Variants in TRHDE observed in about 807,000 individuals in gnomAD.
TRHDE encodes thyrotropin-releasing hormone-degrading ectoenzyme.
TRHDE carries 72 observed loss-of-function variants against 125.7 expected under a neutral mutation model. The ratio of observed to expected loss-of-function variants is 0.57; its 90% CI spans 0.47 to 0.70. The LOEUF is 0.70. TRHDE is among the 30% of genes least tolerant of loss of function. The pLI is 0.00. For missense variants in TRHDE, 1,110 were observed against 1,327.1 expected, an observed-to-expected ratio of 0.84 and a Z score of 2.54; for synonymous variants, 509 against 509.1, an observed-to-expected ratio of 1.00 and a Z score of 0.00.
intron 2 of TRHDE, among the ~76,000 whole-genome samples, chr12:72,209,300 T>A (rs1168033832): frequency 6.6e-6 from 1 of 152,234 alleles, no homozygotes; most frequent in Non-Finnish European, 1.5e-5. Context: ...TCTGACCATA[T>A]GCACTCCCGT....
Position 72,273,879 on chromosome 12 carries a change from T to C in TRHDE, c.914+322T>C. On this transcript the variant is annotated intron_variant, in intron 1 of 18. Coordinates refer to ENST00000261180, the MANE Select transcript of TRHDE (RefSeq NM_013381.3). This position sits in a 1 kb window ranked among gnomAD's most constrained non-coding sequence, Gnocchi z 5.3. Reference sequence around the variant, plus strand: ...GGCTCTTTTTCTGAAGGGTAGCTGATAATCTGAGCGATGCCAGAGTGACAT... The same window carrying C: ...GGCTCTTTTTCTGAAGGGTAGCTGACAATCTGAGCGATGCCAGAGTGACAT... 1 of 307,770 alleles carries C rather than the reference T, an allele frequency of 3.2e-6. No homozygotes were observed. The highest frequency in any genetic ancestry group is 6.0e-6 in the Non-Finnish European group (1 of 165,348). The allele number at this position is 307,770 out of a possible 1,614,324, so 19.1% of individuals were successfully genotyped here. A position where few individuals can be genotyped will look rare whatever the true frequency, so the allele number is the denominator to read the frequency against.
At chr12:72,309,175 G>T (rs1209281440) in intron 2 of TRHDE, among the ~76,000 whole-genome samples, 1 of 152,072 alleles carries the variant, frequency 6.6e-6, no homozygotes, top group African/African-American at 2.4e-5. Context: ...CACTGAGTTT[G>T]AGTTGGTGAG....
At chr12:72,445,166 ATTT>A (rs919106639) in intron 3 of TRHDE, among the ~76,000 whole-genome samples, 1 of 149,586 alleles carries the variant, frequency 6.7e-6, no homozygotes, top group Non-Finnish European at 1.5e-5. Context: ...CTCAGTTGGG[ATTT>A]TTTTTTTCAA....
chr12:72,560,988 T>C (rs1023794366), intron 7 of TRHDE, among the ~76,000 whole-genome samples: 4 of 152,230 alleles, frequency 2.6e-5, no homozygotes, highest in Non-Finnish European at 5.9e-5. Context: ...AAACCTCATA[T>C]GGAATGTTCA....
chr12:72,173,252 G>A (rs1286454793), intron 2 of TRHDE, among the ~76,000 whole-genome samples: 2 of 152,166 alleles, frequency 1.3e-5, no homozygotes, highest in Non-Finnish European at 2.9e-5. Context: ...AAAATAAAGT[G>A]GAAATGAAGT....
chr12:72,169,811 A>G (rs1268578334), intron 2 of TRHDE, among the ~76,000 whole-genome samples: 2 of 152,288 alleles, frequency 1.3e-5, no homozygotes, highest in East Asian at 1.9e-4. Flanking sequence ...TCTGTCTCCA[A>G]ATATAGTCAT....
At chr12:72,134,912 T>C (rs976277061) in intron 2 of TRHDE, among the ~76,000 whole-genome samples, 2 of 152,298 alleles carry the variant, frequency 1.3e-5, no homozygotes, top group Middle Eastern at 3.4e-3. Flanking sequence ...GATACTGCCT[T>C]AATTATTTCA....
intron 2 of TRHDE, among the ~76,000 whole-genome samples, chr12:72,319,937 A>C (rs1869001546): frequency 6.6e-6 from 1 of 152,092 alleles, no homozygotes; most frequent in Non-Finnish European, 1.5e-5. Context: ...GCTCAGAGTA[A>C]AATATATGGT....
chr12:72,410,578 A>G (rs1873452909), intron 3 of TRHDE, among the ~76,000 whole-genome samples: 3 of 152,204 alleles, frequency 2.0e-5, no homozygotes, highest in African/African-American at 7.2e-5. Context: ...TAAAAAATCA[A>G]TCAGTATAAA....
intron 1 of TRHDE, among the ~76,000 whole-genome samples, chr12:72,095,131 C>T (rs1209118395): frequency 1.3e-5 from 2 of 152,160 alleles, no homozygotes; most frequent in Non-Finnish European, 2.9e-5. Context: ...AAATTATTTT[C>T]CATTGGAAAA....
chr12:72,093,618 T>G (rs1874842952), intron 1 of TRHDE, among the ~76,000 whole-genome samples: 1 of 152,172 alleles, frequency 6.6e-6, no homozygotes, highest in Non-Finnish European at 1.5e-5. Flanking sequence ...AGCTCTTTAT[T>G]AAATTTTTCA....
chr12:72,100,580 T>C (rs1875043588), intron 1 of TRHDE, among the ~76,000 whole-genome samples: 1 of 152,216 alleles, frequency 6.6e-6, no homozygotes, highest in Admixed American at 6.5e-5. Context: ...TTATCTTCTG[T>C]GGACATCCCT....
At chr12:72,397,635 C>T (rs1180758056) in intron 3 of TRHDE, among the ~76,000 whole-genome samples, 5 of 152,122 alleles carry the variant, frequency 3.3e-5, no homozygotes, top group East Asian at 3.9e-4. Context: ...TTATTTCCCT[C>T]AGAAACTTTA....
At chr12:72,396,309 C>T (rs1321944657) in intron 3 of TRHDE, among the ~76,000 whole-genome samples, 1 of 152,160 alleles carries the variant, frequency 6.6e-6, no homozygotes, top group Non-Finnish European at 1.5e-5. Flanking sequence ...CCATTCTTTA[C>T]CTCCCATTAT....
intron 3 of TRHDE, among the ~76,000 whole-genome samples, chr12:72,441,748 AT>A (rs1047304056): frequency 2.0e-5 from 3 of 151,918 alleles, no homozygotes; most frequent in Non-Finnish European, 4.4e-5. Context: ...TGCATATTGA[AT>A]TTTGATGATT....
chr12:72,360,186 A>C (rs1871004080), intron 2 of TRHDE, among the ~76,000 whole-genome samples: 1 of 151,814 alleles, frequency 6.6e-6, no homozygotes, highest in Admixed American at 6.6e-5. Flanking sequence ...AGGGCAATGA[A>C]TGATTTCATT....
chr12:72,632,036 A>T (rs1393580076), intron 15 of TRHDE, among the ~76,000 whole-genome samples: 3 of 151,948 alleles, frequency 2.0e-5, no homozygotes, highest in African/African-American at 7.2e-5. Flanking sequence ...AAAGATGATG[A>T]CAATTGCTAT....
intron 5 of TRHDE, among the ~76,000 whole-genome samples, chr12:72,497,022 G>A (rs1307262486): frequency 6.6e-6 from 1 of 152,014 alleles, no homozygotes. Flanking sequence ...CTTTGTGGGT[G>A]TTCTCCTGCC....
At chr12:72,322,466 T>A (rs1017442180) in intron 2 of TRHDE, among the ~76,000 whole-genome samples, 2 of 152,148 alleles carry the variant, frequency 1.3e-5, no homozygotes, top group African/African-American at 2.4e-5. Context: ...TTGCTGTTGA[T>A]CATGAGTTCA....
Sources: gnomAD v4.1 joint callset for allele counts (sites outside exome capture counted in the v4.1 genomes callset) on GRCh38, gnomAD v4.1.1 for gene constraint, Gnocchi (gnomAD v3.1) non-coding constraint, MANE v1.5 for transcripts, NCBI Gene and HGNC (gene_info 2026-07-23, HGNC 2026-07-21) for gene names.